Variants in DHDDS observed in about 807,000 individuals in gnomAD.
DHDDS encodes the protein dehydrodolichyl diphosphate synthase subunit.
DHDDS carries 16 observed loss-of-function variants against 46.2 expected under a neutral mutation model. The observed-to-expected ratio is 0.35, with a 90% CI of 0.23 to 0.53. The LOEUF (loss-of-function observed/expected upper bound fraction) is 0.53. Ranked by LOEUF, DHDDS falls within the 20% of genes least tolerant of loss-of-function variation. The pLI is 0.94. For synonymous variants in DHDDS, 151 were observed against 163.1 expected, an observed-to-expected ratio of 0.93 and a Z score of 0.56; for missense variants, 340 against 423.7, an observed-to-expected ratio of 0.80 and a Z score of 1.73.
chr1:26,464,657 A>C (rs1481729921), intron 8 of DHDDS, among the ~76,000 whole-genome samples: 3 of 152,116 alleles, frequency 2.0e-5, no homozygotes, highest in African/African-American at 4.8e-5. Context: ...GGCTTTTCTC[A>C]TGTCTCCCTT....
Position 26,440,900 on chromosome 1 carries a change from A to G in DHDDS, c.181-1831A>G, listed in dbSNP as rs548364949. 2.6e-5 allele frequency among the ~76,000 whole-genome samples: 4 copies of G among 151,152 alleles called. No homozygotes were observed. In the East Asian group the frequency reaches 7.7e-4, roughly 29 times the overall value. On this transcript the variant is annotated intron_variant, in intron 3 of 8. Transcript: ENST00000236342. The stretch of plus-strand genomic sequence containing the variant: ...TCCACCTTTAGTGGTACAGGATTAG[A>G]GCAGCCCCAAAGGACTAAGTTTTCT...
intron 6 of DHDDS, among the ~76,000 whole-genome samples, chr1:26,449,239 C>T (rs1230379702): frequency 1.3e-5 from 2 of 151,898 alleles, no homozygotes; most frequent in Non-Finnish European, 2.9e-5. Context: ...GCTGGGATTA[C>T]AGGCGCCCAC....
chr1:26,453,858 C>T (rs1024458882), intron 6 of DHDDS, among the ~76,000 whole-genome samples: 2 of 152,228 alleles, frequency 1.3e-5, no homozygotes, highest in African/African-American at 4.8e-5. Context: ...ACAGCTTTAA[C>T]TCACCATTCC....
intron 2 of DHDDS, among the ~76,000 whole-genome samples, chr1:26,433,936 A>G (rs1449439796): frequency 6.6e-6 from 1 of 152,036 alleles, no homozygotes; most frequent in Non-Finnish European, 1.5e-5. Context: ...GGATTCTCAT[A>G]TTGGCCAGGC....
At chr1:26,446,067 A>G (rs2124424016) in intron 4 of DHDDS, among the ~76,000 whole-genome samples, 1 of 152,302 alleles carries the variant, frequency 6.6e-6, no homozygotes, top group East Asian at 1.9e-4. Flanking sequence ...CTGGGTTTCA[A>G]TCCTGACAAA....
At chr1:26,436,401 T>TTTTGTTTGTTTGTTTG (rs57226446) in intron 2 of DHDDS, among the ~76,000 whole-genome samples, 6 of 147,876 alleles carry the variant, frequency 4.1e-5, no homozygotes, top group African/African-American at 1.3e-4. Flanking sequence ...TAAGACTCTG[T>TTTTGTTTGTTTGTTTG]TTTGTTTGTT....
At position 26,439,131 on chromosome 1, in the gene DHDDS, A is replaced by G. The variant is rs185455676; in HGVS notation, c.180+847A>G. On this transcript the variant is annotated intron_variant, in intron 3 of 8. Transcript: ENST00000236342. Reference sequence around the variant, plus strand: ...TTTTTAGTAGAGATGGGGTTTCACCATGTTGGCCAGGCTGGTCTCGAACTC... The same window carrying G: ...TTTTTAGTAGAGATGGGGTTTCACCGTGTTGGCCAGGCTGGTCTCGAACTC... Among the ~76,000 whole-genome samples the G allele has an allele frequency of 5.7e-3, 864 of 152,176 alleles. 3 individuals are homozygous for G. Among genetic ancestry groups the G allele is most frequent in the African/African-American group, 0.019 (780 of 41,498 alleles).
chr1:26,471,021 G>C lies in DHDDS; in HGVS notation c.*1890G>C, dbSNP rs547093267. On this transcript the variant is annotated 3_prime_UTR_variant, in exon 9 of 9. Coordinates refer to ENST00000236342, the MANE Select transcript of DHDDS (RefSeq NM_205861.3). ...TTCTGTATTCTGGGAAAGGTACACA[G>C]GGTGGAGTAGGGAGAAGCTGCCCCA... The C allele has an allele frequency of 2.0e-5, 3 of 152,422 alleles. No individual in the cohort carries two copies. The highest frequency in any genetic ancestry group is 3.9e-4 in the East Asian group (2 of 5,190). 9.4% of individuals were successfully genotyped at this position (152,422 alleles called of 1,614,324 possible). A position where few individuals can be genotyped will look rare whatever the true frequency, so the allele number is the denominator to read the frequency against.
intron 2 of DHDDS, among the ~76,000 whole-genome samples, chr1:26,435,408 G>GCT (rs2075143822): frequency 6.7e-6 from 1 of 148,304 alleles, no homozygotes; most frequent in Admixed American, 6.7e-5. Context: ...TCAGCAGTTG[G>GCT]CTAGAGGTCA....
intron 8 of DHDDS, among the ~76,000 whole-genome samples, chr1:26,464,118 A>G (rs369585392): frequency 7.0e-6 from 1 of 143,820 alleles, no homozygotes; most frequent in Non-Finnish European, 1.5e-5. Flanking sequence ...TCAGCCTCCC[A>G]TGTAGCTGGG....
intron 6 of DHDDS, among the ~76,000 whole-genome samples, chr1:26,453,369 C>T (rs1029797616): frequency 3.3e-5 from 5 of 152,112 alleles, no homozygotes; most frequent in Non-Finnish European, 7.4e-5. Context: ...ACAATTAAAT[C>T]TTTGACTGAA....
intron 6 of DHDDS, among the ~76,000 whole-genome samples, chr1:26,454,038 CCGCCTCCCGGGTTCA>C (rs2124469131): frequency 6.6e-6 from 1 of 152,164 alleles, no homozygotes; most frequent in South Asian, 2.1e-4. Context: ...ACTACAAGCT[CCGCCTCCCGGGTTCA>C]CGCCATTCTC....
chr1:26,433,012 A>G lies in DHDDS; in HGVS notation c.63+4A>G. 1 of 1,614,210 alleles carries G rather than the reference A, an allele frequency of 6.2e-7. No homozygotes were observed. Among genetic ancestry groups the G allele is most frequent in the Admixed American group, 1.7e-5 (1 of 60,030 alleles). On this transcript the variant is annotated splice_donor_region_variant and intron_variant, in intron 2 of 8. Coordinates refer to ENST00000236342, the MANE Select transcript of DHDDS (RefSeq NM_205861.3). Reference sequence around the variant, plus strand: ...GTTCTGTGCCAACATCATAAAGGTGAGCAATGGCCCAGAGCACCGGTTGGC... The same window carrying G: ...GTTCTGTGCCAACATCATAAAGGTGGGCAATGGCCCAGAGCACCGGTTGGC...
intron 8 of DHDDS, chr1:26,467,264 C>T (rs2075500307): frequency 2.1e-6 from 1 of 465,746 alleles, no homozygotes; most frequent in Admixed American, 2.4e-5. Flanking sequence ...TGCGCATCTC[C>T]ATATCCTCAA....
intron 8 of DHDDS, among the ~76,000 whole-genome samples, chr1:26,465,185 T>C (rs990608478): frequency 1.3e-5 from 2 of 152,172 alleles, no homozygotes; most frequent in Admixed American, 6.5e-5. Context: ...TAAAAAGTGT[T>C]CACCTCATCT....
intron 2 of DHDDS, among the ~76,000 whole-genome samples, chr1:26,434,312 G>A (rs2075132400): frequency 6.6e-6 from 1 of 152,180 alleles, no homozygotes; most frequent in African/African-American, 2.4e-5. Flanking sequence ...ACCACAGGCT[G>A]TCAAGCAGCA....
rs1241519947 is a variant in DHDDS at position 26,469,044 on chromosome 1, A to G, written c.915A>G (p.Arg305=). The stretch of plus-strand genomic sequence containing the variant: ...CACGCTTGCACAAACTCTCGGCCAG[A>G]CGGGAAGAGCGAGTCCAAGGCTTCC... The part of the protein sequence containing the change: ...RRTRLHKLSA[R]REERVQGFLQ... The change falls in exon 9 of 9, where the codon AGA becomes AGG. Residue 305 remains arginine, a synonymous_variant. Transcript: ENST00000236342. 1 of 1,613,982 alleles carries G rather than the reference A, an allele frequency of 6.2e-7. No individual in the cohort carries two copies. Among genetic ancestry groups the G allele is most frequent in the African/African-American group, 1.3e-5 (1 of 75,076 alleles).
intron 7 of DHDDS, 54 bp from the exon 8 acceptor site, chr1:26,459,983 G>T: frequency 7.0e-7 from 1 of 1,435,054 alleles, no homozygotes; most frequent in African/African-American, 1.4e-5. Flanking sequence ...ACTGACCAGG[G>T]ATGCGGCCCA....
At chr1:26,451,243 T>G (rs1180832833) in intron 6 of DHDDS, among the ~76,000 whole-genome samples, 1 of 152,174 alleles carries the variant, frequency 6.6e-6, no homozygotes, top group Non-Finnish European at 1.5e-5. Context: ...GCCTGAGGCG[T>G]TACACTTTAT....
Sources: allele counts gnomAD v4.1 joint callset (sites outside exome capture counted in the v4.1 genomes callset), GRCh38; gene constraint gnomAD v4.1.1; transcripts MANE v1.5; gene names NCBI Gene and HGNC (gene_info 2026-07-23, HGNC 2026-07-21).